Variants in AFAP1L2 observed in about 807,000 individuals in gnomAD.
AFAP1L2 encodes the protein actin filament-associated protein 1-like 2.
Under a neutral mutation model 99.3 loss-of-function variants are expected in AFAP1L2, and 46 were observed. The ratio of observed to expected loss-of-function variants is 0.46; its 90% CI spans 0.37 to 0.59. The LOEUF (loss-of-function observed/expected upper bound fraction) is 0.59. AFAP1L2 is among the 20% of genes least tolerant of loss of function. The pLI is 0.00. For synonymous variants in AFAP1L2, 397 were observed against 419.1 expected (o/e 0.95, Z 0.64); for missense variants, 959 against 1,034.9 (o/e 0.93, Z 1.01).
At chr10:114,402,152 C>T (rs2058289101) in intron 1 of AFAP1L2, among the ~76,000 whole-genome samples, 1 of 152,204 alleles carries the variant, frequency 6.6e-6, no homozygotes, top group South Asian at 2.1e-4. Flanking sequence ...AACCACTATT[C>T]CTAGTTATTC....
chr10:114,289,184 G>T, the AFAP1L2 span: 1 of 1,613,676 alleles, frequency 6.2e-7, no homozygotes, highest in Non-Finnish European at 8.5e-7. Flanking sequence ...TACCTAGGTG[G>T]GGTGGGCTCA....
Position 114,371,115 on chromosome 10 carries a change from C to T in AFAP1L2, c.17-30384G>A, listed in dbSNP as rs191242290. Among the ~76,000 whole-genome samples, 10 of 152,294 alleles carry T rather than the reference C, an allele frequency of 6.6e-5. No homozygotes were observed. In the East Asian group the frequency reaches 1.4e-3, roughly 21 times the overall value. On this transcript the variant is annotated intron_variant, in intron 1 of 18. Coordinates refer to ENST00000304129, the MANE Select transcript of AFAP1L2 (RefSeq NM_001001936.3). ...TACGGGACCCATGGAGAGGACACTC[C>T]GTAAGTGCCTGGCCGCTGGCTGGCA...
chr10:114,297,346 C>G lies in AFAP1L2; in HGVS notation c.2181G>C (p.Glu727Asp). The stretch of plus-strand genomic sequence containing the variant: ...TGAGCTCCAGGTCCACGCGCCTGCT[C>G]TCCTCGCCCCGGCACTCCTCGTCAA... ...KEIDEECRGE[E>D]SRRVDLELSI... Residue 727 changes from glutamate to aspartate, a missense_variant, in exon 17 of 19, where the codon GAG becomes GAC. Physicochemically the swap from Glu to Asp is conservative, Grantham distance 45. This residue lies in a region of AFAP1L2 where 576 missense variants were observed against 562.1 expected (regional missense o/e 1.02). Transcript: ENST00000304129. The G allele has an allele frequency of 6.2e-7, 1 of 1,613,886 alleles. No homozygotes were observed. The highest frequency in any genetic ancestry group is 8.5e-7 in the Non-Finnish European group (1 of 1,180,034).
At chr10:114,404,667 C>T (rs1469246777), upstream of AFAP1L2, 1 of 569,828 alleles carries the variant, frequency 1.8e-6, no homozygotes, top group African/African-American at 2.0e-5. Flanking sequence ...GTCCCAGCGC[C>T]GGAGAACTCC....
intron 1 of AFAP1L2, among the ~76,000 whole-genome samples, chr10:114,365,392 C>T (rs999476992): frequency 3.5e-4 from 53 of 152,078 alleles, no homozygotes; most frequent in Admixed American, 2.4e-3. Context: ...AGTCATTAGG[C>T]GGCCATTCAG....
chr10:114,352,479 T>TAAAAAACAAAAAAAAAAAAAAAAA, intron 1 of AFAP1L2, among the ~76,000 whole-genome samples: 1 of 71,372 alleles, frequency 1.4e-5, no homozygotes, highest in Non-Finnish European at 2.4e-5. Context: ...GTCTCCAAAT[T>TAAAAAACAAAAAAAAAAAAAAAAA]AAAAAAAAAA....
chr10:114,290,209 G>T, downstream of AFAP1L2: 1 of 1,549,226 alleles, frequency 6.5e-7, no homozygotes, highest in Non-Finnish European at 8.7e-7. Flanking sequence ...ATGCCTGGCC[G>T]GCCTGGTGGG....
At chr10:114,390,614 A>T (rs552401363) in intron 1 of AFAP1L2, among the ~76,000 whole-genome samples, 1 of 151,372 alleles carries the variant, frequency 6.6e-6, no homozygotes, top group South Asian at 2.1e-4. Context: ...CCAGCTACTC[A>T]GGAGGCTGAG....
chr10:114,369,966 G>T (rs138438165), intron 1 of AFAP1L2, among the ~76,000 whole-genome samples: 1 of 152,136 alleles, frequency 6.6e-6, no homozygotes, highest in African/African-American at 2.4e-5. Context: ...CGGGAAGAGA[G>T]TCTTTCCTGG....
chr10:114,285,008 G>A, the AFAP1L2 span: 1 of 1,489,372 alleles, frequency 6.7e-7, no homozygotes, highest in Non-Finnish European at 9.0e-7. Context: ...GACCACTGGG[G>A]AGCAAGAAGA....
intron 1 of AFAP1L2, among the ~76,000 whole-genome samples, chr10:114,353,453 A>C (rs1486327444): frequency 6.6e-6 from 1 of 152,224 alleles, no homozygotes; most frequent in Non-Finnish European, 1.5e-5. Context: ...GTTGGACCCC[A>C]AAATCTGGAC....
intron 18 of AFAP1L2, chr10:114,296,742 G>C: frequency 3.8e-6 from 2 of 525,588 alleles, no homozygotes; most frequent in Non-Finnish European, 6.6e-6. Flanking sequence ...AAGAACTGAA[G>C]CATCCCCAAG....
Position 114,379,656 on chromosome 10 carries a change from C to T in AFAP1L2, c.16+24784G>A, listed in dbSNP as rs964528565. ...TTGGATTGCATGTTTATTGCTAGTT[C>T]CAGGCAAAATCCTTTTGAGGTTTTA... On this transcript the variant is annotated intron_variant, in intron 1 of 18. Transcript: ENST00000304129. 5.3e-5 allele frequency among the ~76,000 whole-genome samples: 8 copies of T among 152,244 alleles called. No homozygotes were observed. In the East Asian group the frequency reaches 1.4e-3, roughly 26 times the overall value.
the AFAP1L2 span, chr10:114,289,426 C>T: frequency 1.2e-6 from 2 of 1,614,176 alleles, no homozygotes; most frequent in South Asian, 1.1e-5. Flanking sequence ...TTCCCTGATC[C>T]ACGTGGCAGC....
chr10:114,281,937 T>C, the AFAP1L2 span, among the ~76,000 whole-genome samples: 4 of 152,132 alleles, frequency 2.6e-5, no homozygotes, highest in Non-Finnish European at 5.9e-5. Flanking sequence ...AAGTAACTTA[T>C]AATAAAAAGC....
At chr10:114,289,775 C>G in the AFAP1L2 span, 1 of 474,096 alleles carries the variant, frequency 2.1e-6, no homozygotes, top group South Asian at 2.2e-5. Flanking sequence ...AGAATATCCA[C>G]AAGCTTCCTA....
chr10:114,297,487 A>G, intron 16 of AFAP1L2, 74 bp from the exon 17 acceptor site: 3 of 1,490,036 alleles, frequency 2.0e-6, no homozygotes, highest in African/African-American at 1.4e-5. Flanking sequence ...GGGTGGAGGC[A>G]GGGTCTACAT....
At chr10:114,400,930 G>T (rs2058174009) in intron 1 of AFAP1L2, among the ~76,000 whole-genome samples, 1 of 152,134 alleles carries the variant, frequency 6.6e-6, no homozygotes, top group South Asian at 2.1e-4. Flanking sequence ...TGAGTTCGTA[G>T]GCATTGAAAA....
chr10:114,329,397 T>C (rs1422795255), intron 4 of AFAP1L2, among the ~76,000 whole-genome samples: 2 of 152,034 alleles, frequency 1.3e-5, no homozygotes, highest in Admixed American at 1.3e-4. Context: ...AAACACAATT[T>C]CTAGAACACT....
Sources: gnomAD v4.1 joint callset for allele counts (sites outside exome capture counted in the v4.1 genomes callset) on GRCh38, gnomAD v4.1.1 for gene constraint, gnomAD v4.1.1 regional missense constraint, MANE v1.5 for transcripts, NCBI Gene and HGNC (gene_info 2026-07-23, HGNC 2026-07-21) for gene names.